The following HAPLN1 variants were observed in gnomAD, a reference collection of about 807,000 sequenced individuals.
HAPLN1 encodes the protein hyaluronan and proteoglycan link protein 1.
A neutral mutation model predicts 36.5 loss-of-function variants in HAPLN1; 13 were observed. That is an observed-to-expected ratio of 0.36 (90% confidence interval 0.23 to 0.57). HAPLN1 has a LOEUF of 0.57. Ranked by LOEUF, HAPLN1 falls within the 20% of genes least tolerant of loss-of-function variation. The pLI, the probability that HAPLN1 is intolerant of heterozygous loss-of-function variation, is 0.83. For missense variants in HAPLN1, 407 were observed against 439.7 expected (o/e 0.93, Z 0.66); for synonymous variants, 202 against 169.8 (o/e 1.19, Z -1.48).
chr5:83,674,343 C>T (rs1750811792), intron 1 of HAPLN1: 1 of 152,112 alleles, frequency 6.6e-6, no homozygotes, highest in Non-Finnish European at 1.5e-5. Context: ...CCTCCCAGGG[C>T]AATTAGGCAA....
chr5:83,651,671 C>T (rs555337387), intron 3 of HAPLN1, among the ~76,000 whole-genome samples: 16 of 132,324 alleles, frequency 1.2e-4, no homozygotes, highest in Non-Finnish European at 2.4e-4. Context: ...GGAAAGCATT[C>T]TCTCAATGCT....
intron 1 of HAPLN1, among the ~76,000 whole-genome samples, chr5:83,717,651 C>T (rs1751943377): frequency 6.6e-6 from 1 of 152,196 alleles, no homozygotes; most frequent in South Asian, 2.1e-4. Flanking sequence ...CAGTGCAATA[C>T]TCAAATGGAC....
At chr5:83,676,034 A>T (rs936273439) in intron 1 of HAPLN1, among the ~76,000 whole-genome samples, 11 of 152,112 alleles carry the variant, frequency 7.2e-5, no homozygotes, top group African/African-American at 2.7e-4. Flanking sequence ...TTTTCCCAAG[A>T]CTTACATATT....
chr5:83,661,381 C>G (rs935256130), intron 2 of HAPLN1, among the ~76,000 whole-genome samples: 3 of 148,256 alleles, frequency 2.0e-5, no homozygotes, highest in African/African-American at 7.5e-5. Flanking sequence ...CCATCCATTC[C>G]TTGTTCCTCT....
chr5:83,663,311 T>TA (rs1175422647), intron 2 of HAPLN1, among the ~76,000 whole-genome samples: 3 of 152,178 alleles, frequency 2.0e-5, no homozygotes, highest in Non-Finnish European at 4.4e-5. Flanking sequence ...TTTAAAATTT[T>TA]AAAAAATCAT....
chr5:83,706,345 A>G (rs1261574761), intron 1 of HAPLN1, among the ~76,000 whole-genome samples: 1 of 152,200 alleles, frequency 6.6e-6, no homozygotes, highest in African/African-American at 2.4e-5. Flanking sequence ...AAATACTTGA[A>G]AACTGAATCT....
intron 2 of HAPLN1, among the ~76,000 whole-genome samples, chr5:83,655,722 CA>C (rs1561304049): frequency 1.3e-5 from 2 of 152,156 alleles, no homozygotes; most frequent in Admixed American, 6.5e-5. Flanking sequence ...TCAGATTACA[CA>C]GCTCTGAGCA....
At chr5:83,696,483 T>G (rs1166838096) in intron 1 of HAPLN1, among the ~76,000 whole-genome samples, 1 of 152,138 alleles carries the variant, frequency 6.6e-6, no homozygotes, top group Non-Finnish European at 1.5e-5. Flanking sequence ...AAGAACAAAG[T>G]TGAAAGCACA....
At chr5:83,714,867 G>A (rs1298211041) in intron 1 of HAPLN1, among the ~76,000 whole-genome samples, 4 of 152,230 alleles carry the variant, frequency 2.6e-5, no homozygotes, top group African/African-American at 9.6e-5. Context: ...ATCAAGAGCA[G>A]AGATTAAGGC....
chr5:83,657,768 G>C (rs745948770), intron 2 of HAPLN1, among the ~76,000 whole-genome samples: 1 of 150,462 alleles, frequency 6.6e-6, no homozygotes, highest in Non-Finnish European at 1.5e-5. Flanking sequence ...GGATGAACTA[G>C]ACTCGAGACT....
chr5:83,676,037 T>G (rs1055077670), intron 1 of HAPLN1, among the ~76,000 whole-genome samples: 1 of 152,162 alleles, frequency 6.6e-6, no homozygotes, highest in Admixed American at 6.5e-5. Flanking sequence ...TCCCAAGACT[T>G]ACATATTGAG....
chr5:83,645,382 C>T (rs965138912), intron 3 of HAPLN1, among the ~76,000 whole-genome samples: 3 of 152,112 alleles, frequency 2.0e-5, no homozygotes, highest in East Asian at 1.9e-4. Context: ...CCACATGTGG[C>T]CCAGAACAGC....
chr5:83,717,811 G>A (rs79199827), intron 1 of HAPLN1, among the ~76,000 whole-genome samples: 2,650 of 152,182 alleles, frequency 0.017, 86 homozygotes, highest in African/African-American at 0.061. Context: ...AGATGAAGTT[G>A]TTTTACATGC....
chr5:83,658,577 T>C (rs1442526000), intron 2 of HAPLN1, among the ~76,000 whole-genome samples: 1 of 152,210 alleles, frequency 6.6e-6, no homozygotes, highest in Non-Finnish European at 1.5e-5. Flanking sequence ...TACATTTGAG[T>C]AGGACACAAA....
At chr5:83,677,230 A>T (rs1045705518) in intron 1 of HAPLN1, among the ~76,000 whole-genome samples, 1 of 152,154 alleles carries the variant, frequency 6.6e-6, no homozygotes, top group African/African-American at 2.4e-5. Flanking sequence ...CACATTTTAC[A>T]GCTCTAGAAG....
In HAPLN1 at chr5:83,642,411, T is replaced by C. The variant is rs954520214; in HGVS notation, c.776-626A>G. On this transcript the variant is annotated intron_variant, in intron 4 of 4. Transcript: ENST00000274341. The stretch of plus-strand genomic sequence containing the variant: ...CACTAGCAAAGAAGACAAATTTGTT[T>C]ATTTTTTTCAACTTCCATTTGTTGA... Among the ~76,000 whole-genome samples the C allele has an allele frequency of 2.0e-5, 3 of 152,232 alleles. No homozygotes were observed. The East Asian group carries it at 5.8e-4, about 29-fold the overall frequency.
chr5:83,714,054 A>G (rs966674470), intron 1 of HAPLN1, among the ~76,000 whole-genome samples: 1 of 152,228 alleles, frequency 6.6e-6, no homozygotes, highest in African/African-American at 2.4e-5. Context: ...AGGTATTCAG[A>G]CATCTGAAAT....
intron 1 of HAPLN1, among the ~76,000 whole-genome samples, chr5:83,702,769 G>A (rs867965555): frequency 9.4e-5 from 14 of 149,276 alleles, no homozygotes; most frequent in Admixed American, 7.3e-4. Flanking sequence ...AGACAGTCTC[G>A]CCCTGTTGCC....
At chr5:83,692,180 T>C (rs1039179659) in intron 1 of HAPLN1, among the ~76,000 whole-genome samples, 1 of 151,730 alleles carries the variant, frequency 6.6e-6, no homozygotes, top group African/African-American at 2.4e-5. Context: ...CATACGTAAT[T>C]GGAGTCTCCA....
Sources: gnomAD v4.1 joint callset for allele counts (sites outside exome capture counted in the v4.1 genomes callset) on GRCh38, gnomAD v4.1.1 for gene constraint, MANE v1.5 for transcripts, NCBI Gene and HGNC (gene_info 2026-07-23, HGNC 2026-07-21) for gene names.